The following IMMP2L variants were observed in gnomAD, a reference collection of about 807,000 sequenced individuals.
IMMP2L encodes mitochondrial inner membrane protease subunit 2.
A neutral mutation model predicts 19.3 loss-of-function variants in IMMP2L; 18 were observed. The observed-to-expected ratio is 0.93, with a 90% CI of 0.64 to 1.38. The LOEUF (loss-of-function observed/expected upper bound fraction) is 1.38. Among genes scored for constraint, IMMP2L ranks in the 40% most tolerant of loss-of-function variants. The pLI is 0.00. For missense variants in IMMP2L, 233 were observed against 218.2 expected (o/e 1.07, Z -0.43); for synonymous variants, 76 against 73.0 (o/e 1.04, Z -0.21).
At chr7:111,448,210 A>C (rs1335372655) in intron 3 of IMMP2L, among the ~76,000 whole-genome samples, 1 of 125,192 alleles carries the variant, frequency 8.0e-6, no homozygotes, top group Non-Finnish European at 1.6e-5. Flanking sequence ...AAGCGGACCT[A>C]ATAGACATCT....
chr7:111,290,857 C>CACAT (rs1472194887), intron 3 of IMMP2L, among the ~76,000 whole-genome samples: 3,039 of 148,562 alleles, frequency 0.02, 122 homozygotes, highest in African/African-American at 0.072. Context: ...CACACACACA[C>CACAT]ATATATATAT....
At chr7:110,828,581 A>G (rs1013364043) in intron 5 of IMMP2L, among the ~76,000 whole-genome samples, 3 of 152,168 alleles carry the variant, frequency 2.0e-5, no homozygotes, top group Non-Finnish European at 2.9e-5. Flanking sequence ...AATACACTAT[A>G]TGAGAGACTG....
intron 3 of IMMP2L, among the ~76,000 whole-genome samples, chr7:111,447,091 T>C (rs1431559952): frequency 1.4e-5 from 2 of 143,810 alleles, no homozygotes; most frequent in African/African-American, 5.3e-5. Context: ...TTGGTGTACC[T>C]GAAAGTGATG....
At chr7:111,323,446 A>G (rs963756105) in intron 3 of IMMP2L, among the ~76,000 whole-genome samples, 2 of 152,116 alleles carry the variant, frequency 1.3e-5, no homozygotes, top group Non-Finnish European at 2.9e-5. Flanking sequence ...ATGAGATACC[A>G]TCTCACACCA....
At chr7:111,301,808 T>C (rs1222669239) in intron 3 of IMMP2L, among the ~76,000 whole-genome samples, 2 of 151,584 alleles carry the variant, frequency 1.3e-5, no homozygotes, top group Non-Finnish European at 2.9e-5. Flanking sequence ...ATGCCATTGA[T>C]CTATGTGTCT....
intron 4 of IMMP2L, among the ~76,000 whole-genome samples, chr7:110,893,156 T>C (rs969452195): frequency 2.6e-5 from 4 of 152,190 alleles, no homozygotes; most frequent in Non-Finnish European, 4.4e-5. Flanking sequence ...TTATTAAGTG[T>C]GCAATAACAT....
chr7:111,556,114 T>C (rs755585985), intron 1 of IMMP2L, among the ~76,000 whole-genome samples: 1 of 148,356 alleles, frequency 6.7e-6, no homozygotes, highest in Non-Finnish European at 1.5e-5. Flanking sequence ...GGGATTCTAA[T>C]ATGTGTGCAT....
At chr7:111,185,877 T>C (rs1222500793) in intron 3 of IMMP2L, among the ~76,000 whole-genome samples, 2 of 152,184 alleles carry the variant, frequency 1.3e-5, no homozygotes, top group African/African-American at 4.8e-5. Flanking sequence ...TTCTATGACT[T>C]GGTCACCAAC....
intron 3 of IMMP2L, among the ~76,000 whole-genome samples, chr7:111,040,616 C>T (rs979283426): frequency 4.0e-5 from 6 of 150,148 alleles, no homozygotes; most frequent in African/African-American, 1.5e-4. Context: ...GCAGCATATC[C>T]TAACTTAAGA....
In IMMP2L at chr7:110,825,781, C is replaced by G. The variant is rs146613859; in HGVS notation, c.408+60812G>C. 9.9e-3 allele frequency among the ~76,000 whole-genome samples: 1,513 copies of G among 152,096 alleles called. 25 individuals carry two copies. The highest frequency in any genetic ancestry group is 0.034 in the African/African-American group (1,410 of 41,492). On this transcript the variant is annotated intron_variant, in intron 5 of 5. Transcript: ENST00000405709. The stretch of plus-strand genomic sequence containing the variant: ...CCATTCAGGACATAGGCATGGGCAA[C>G]GACTTCATGTCTAAAACACCAAAAG...
chr7:110,824,657 C>A (rs756659332), intron 5 of IMMP2L, among the ~76,000 whole-genome samples: 2 of 152,024 alleles, frequency 1.3e-5, no homozygotes, highest in African/African-American at 4.8e-5. Context: ...GATGAACCAC[C>A]GCTCCCAGCC....
chr7:111,277,514 G>A (rs900602196), intron 3 of IMMP2L, among the ~76,000 whole-genome samples: 7 of 150,260 alleles, frequency 4.7e-5, no homozygotes, highest in East Asian at 2.0e-4. Context: ...GCAGTGAGCC[G>A]AGATTACTCC....
intron 3 of IMMP2L, among the ~76,000 whole-genome samples, chr7:111,405,121 T>C (rs908288163): frequency 4.6e-5 from 7 of 152,112 alleles, no homozygotes; most frequent in African/African-American, 1.7e-4. Context: ...CCGACTATGG[T>C]TTAGTGAGTT....
chr7:110,865,852 T>C (rs1414744473), intron 5 of IMMP2L, among the ~76,000 whole-genome samples: 1 of 152,064 alleles, frequency 6.6e-6, no homozygotes, highest in African/African-American at 2.4e-5. Context: ...AAACTAATTT[T>C]TTTTTTTTGA....
At chr7:110,735,984 G>A (rs1796612402) in intron 5 of IMMP2L, among the ~76,000 whole-genome samples, 1 of 151,920 alleles carries the variant, frequency 6.6e-6, no homozygotes, top group African/African-American at 2.4e-5. Context: ...AACAGCCCAG[G>A]GCTCCTGTGT....
At chr7:110,914,611 T>C (rs259003) in intron 4 of IMMP2L, among the ~76,000 whole-genome samples, 75,991 of 151,910 alleles carry the variant, frequency 0.5, 19,941 homozygotes, top group East Asian at 0.84. Flanking sequence ...ATCATTCTTC[T>C]ACCCAAGCTT....
intron 5 of IMMP2L, among the ~76,000 whole-genome samples, chr7:110,792,713 A>AG (rs1324000915): frequency 6.6e-6 from 1 of 152,084 alleles, no homozygotes; most frequent in East Asian, 1.9e-4. Flanking sequence ...TTACAAAAAA[A>AG]GGTCACTCTT....
At chr7:110,754,861 G>C (rs909661133) in intron 5 of IMMP2L, among the ~76,000 whole-genome samples, 2 of 151,668 alleles carry the variant, frequency 1.3e-5, no homozygotes, top group African/African-American at 4.8e-5. Flanking sequence ...TCTTAACGTG[G>C]CCCTCGGAGA....
chr7:111,446,653 TC>T, intron 3 of IMMP2L, among the ~76,000 whole-genome samples: 1 of 152,234 alleles, frequency 6.6e-6, no homozygotes, highest in Non-Finnish European at 1.5e-5. Flanking sequence ...AGAGCGCCTC[TC>T]CTCCTCCAAA....
Sources: allele counts gnomAD v4.1 joint callset (sites outside exome capture counted in the v4.1 genomes callset), GRCh38; gene constraint gnomAD v4.1.1; transcripts MANE v1.5; gene names NCBI Gene and HGNC (gene_info 2026-07-23, HGNC 2026-07-21).